Variants in SLX4 observed in about 807,000 individuals in gnomAD.
SLX4 encodes structure-specific endonuclease subunit SLX4.
SLX4 carries 112 observed loss-of-function variants against 146.2 expected under a neutral mutation model. The observed-to-expected ratio is 0.77, with a 90% CI of 0.66 to 0.90. The LOEUF (loss-of-function observed/expected upper bound fraction) is 0.90. Ranked by LOEUF, SLX4 falls within the 40% of genes least tolerant of loss-of-function variation. The pLI, the probability that SLX4 is intolerant of heterozygous loss-of-function variation, is 0.00. For missense variants in SLX4, 2,563 were observed against 2,392.7 expected, an observed-to-expected ratio of 1.07 and a Z score of -1.49; for synonymous variants, 1,061 against 997.7, an observed-to-expected ratio of 1.06 and a Z score of -1.20.
At position 3,597,955 on chromosome 16, in the gene SLX4, C is replaced by G. The variant is rs754419815; in HGVS notation, c.1208G>C (p.Ser403Thr). 2.0e-5 allele frequency: 33 copies of G among 1,614,038 alleles called. No homozygotes were observed. In the South Asian group the frequency reaches 2.5e-4, roughly 12 times the overall value. The change falls in exon 6 of 15, where the codon AGC (serine) becomes ACC (threonine). Residue 403 changes from serine (S) to threonine (T), a missense_variant. Transcript: ENST00000294008. This position sits in a 1 kb window ranked among gnomAD's most constrained non-coding sequence, Gnocchi z 4.4. ...CCGCCTCTTCCGTGGCTCCTTCTTG[C>G]TGGTGGGTCCTCTCCGTTTCAGACC... ...SRGLKRRGPT[S>T]KKEPRKRRKV...
Position 3,581,482 on chromosome 16 carries a change from G to C in SLX4, c.*860C>G, listed in dbSNP as rs1479614792. On this transcript the variant is annotated 3_prime_UTR_variant, in exon 15 of 15. Coordinates refer to ENST00000294008, the MANE Select transcript of SLX4 (RefSeq NM_032444.4). Reference sequence around the variant, plus strand: ...GTAGCACGGCTGGGTCAGGAGAACTGCATCTGGGCTGTGGCAGTGCAGGGA... The same window carrying C: ...GTAGCACGGCTGGGTCAGGAGAACTCCATCTGGGCTGTGGCAGTGCAGGGA... 1 of 153,298 alleles carries C rather than the reference G, an allele frequency of 6.5e-6. No homozygotes were observed. The highest frequency in any genetic ancestry group is 1.5e-5 in the Non-Finnish European group (1 of 68,544). 9.5% of individuals were successfully genotyped at this position (153,298 alleles called of 1,614,324 possible).
At chr16:3,586,463 A>G (rs922035875) in intron 12 of SLX4, among the ~76,000 whole-genome samples, 2 of 151,564 alleles carry the variant, frequency 1.3e-5, no homozygotes, top group African/African-American at 2.4e-5. Flanking sequence ...CGAGGCTACA[A>G]TGAGCTGTAA....
chr16:3,585,054 C>T (rs2040492315), intron 12 of SLX4, among the ~76,000 whole-genome samples, 183 bp from the exon 13 acceptor site: 2 of 152,124 alleles, frequency 1.3e-5, no homozygotes, highest in Admixed American at 1.3e-4. Flanking sequence ...ATGATAGCAT[C>T]GGTGACACGC....
Position 3,601,076 on chromosome 16 carries a change from A to C in SLX4, c.1066T>G (p.Cys356Gly). ...LKSRTSHLKQ[C>G]AVKMEVGPQL... ...GGGCCAACCTCCATCTTCACAGCAC[A>C]CTGCTTCAAGTGACTGGTTCTGCTC... The change falls in exon 5 of 15, where the codon TGT becomes GGT. Residue 356 changes from cysteine to glycine, a missense_variant. Coordinates refer to ENST00000294008, the MANE Select transcript of SLX4 (RefSeq NM_032444.4). 2 of 1,614,104 alleles carry C rather than the reference A, an allele frequency of 1.2e-6. No individual in the cohort carries two copies. Among genetic ancestry groups the C allele is most frequent in the Non-Finnish European group, 1.7e-6 (2 of 1,180,034 alleles).
At chr16:3,603,584 G>A (rs1433343599) in intron 3 of SLX4, among the ~76,000 whole-genome samples, 1 of 152,212 alleles carries the variant, frequency 6.6e-6, no homozygotes, top group African/African-American at 2.4e-5. Context: ...AGTGAAATCT[G>A]CAATGCAATG....
At position 3,597,781 on chromosome 16, in the gene SLX4, T is replaced by C; in HGVS notation, c.1366+16A>G. 6.2e-7 allele frequency: 1 copy of C among 1,614,170 alleles called. No homozygotes were observed. Among genetic ancestry groups the C allele is most frequent in the African/African-American group, 1.3e-5 (1 of 75,048 alleles). ...CTGATGGCCTCTCCCAGGGTCACTCTTCTGATCACACAAACCTGCTTCTGG... is the reference window on the plus strand; with the variant it reads ...CTGATGGCCTCTCCCAGGGTCACTCCTCTGATCACACAAACCTGCTTCTGG... On this transcript the variant is annotated intron_variant, in intron 6 of 14. Coordinates refer to ENST00000294008, the MANE Select transcript of SLX4 (RefSeq NM_032444.4). The surrounding 1 kb of genome is among the most constrained non-coding windows in gnomAD (Gnocchi z 4.4).
chr16:3,602,719 G>C (rs1170228169), intron 3 of SLX4, among the ~76,000 whole-genome samples: 1 of 152,132 alleles, frequency 6.6e-6, no homozygotes. Context: ...AGTTCACAAG[G>C]CTCATATTCC....
At chr16:3,610,664 T>C (rs2040850203) in intron 1 of SLX4, among the ~76,000 whole-genome samples, 2 of 152,212 alleles carry the variant, frequency 1.3e-5, no homozygotes, top group Admixed American at 1.3e-4. Context: ...CTCTTGTGTT[T>C]TTATTCATCG....
rs1180412556 is a variant in SLX4, at chr16:3,596,360, G to A, written c.1717C>T (p.Pro573Ser). 3.1e-6 allele frequency: 5 copies of A among 1,596,614 alleles called. No homozygotes were observed. Among genetic ancestry groups the A allele is most frequent in the Non-Finnish European group, 4.3e-6 (5 of 1,171,042 alleles). Residue 573 changes from proline to serine, a missense_variant, in exon 8 of 15, where the codon CCA becomes TCA. Coordinates refer to ENST00000294008, the MANE Select transcript of SLX4 (RefSeq NM_032444.4). ...TCGCTCAGCTCTGAGTGCTCAGGTG[G>A]CACCAGAGGCGGCACGGGCTCCTGC... The part of the protein sequence containing the change: ...LMQEPVPPLV[P>S]PEHSELSERR...
intron 10 of SLX4, among the ~76,000 whole-genome samples, chr16:3,594,193 C>G (rs1037254600): frequency 6.6e-6 from 1 of 152,134 alleles, no homozygotes; most frequent in South Asian, 2.1e-4. Context: ...TTCAACAGAA[C>G]GAAAACACTG....
At position 3,596,258 on chromosome 16, in the gene SLX4, T is replaced by C; in HGVS notation, c.1819A>G (p.Arg607Gly). The change falls in exon 8 of 15, where the codon AGG (arginine) becomes GGG (glycine). Residue 607 changes from arginine to glycine, a missense_variant. Transcript: ENST00000294008. ...SRGPSPSASQ[R>G]EHQALQDLVD... ...AGGTCCTGCAGGGCCTGGTGCTCCC[T>C]CTGGCTGGCCGAAGGCGACGGGCCC... The C allele has an allele frequency of 6.4e-7, 1 of 1,560,294 alleles. No homozygotes were observed. Among genetic ancestry groups the C allele is most frequent in the Non-Finnish European group, 8.7e-7 (1 of 1,153,870 alleles).
intron 13 of SLX4, among the ~76,000 whole-genome samples, chr16:3,584,454 G>A (rs530150557): frequency 6.6e-6 from 1 of 152,160 alleles, no homozygotes; most frequent in Non-Finnish European, 1.5e-5. Flanking sequence ...CACTCAGACT[G>A]CTCTGGCTAG....
intron 12 of SLX4, among the ~76,000 whole-genome samples, chr16:3,586,623 C>G (rs533467718): frequency 6.6e-6 from 1 of 152,066 alleles, no homozygotes; most frequent in African/African-American, 2.4e-5. Context: ...CCAGCTTGGC[C>G]AACATGGTGA....
chr16:3,587,459 G>A (rs2040520932), intron 12 of SLX4, among the ~76,000 whole-genome samples: 1 of 152,194 alleles, frequency 6.6e-6, no homozygotes, highest in Non-Finnish European at 1.5e-5. Flanking sequence ...TAGCCCCACT[G>A]CACTCCAGCC....
intron 5 of SLX4, among the ~76,000 whole-genome samples, chr16:3,599,507 ATTTTAAC>A (rs1163559789): frequency 3.3e-5 from 5 of 152,368 alleles, no homozygotes; most frequent in Non-Finnish European, 7.3e-5. Flanking sequence ...AAGGCAACTC[ATTTTAAC>A]TTTTAAGCAT....
chr16:3,605,135 G>C (rs1481610732), intron 3 of SLX4, among the ~76,000 whole-genome samples: 2 of 151,190 alleles, frequency 1.3e-5, no homozygotes, highest in African/African-American at 2.4e-5. Context: ...TGTTGCCCAG[G>C]CTGGAGTGCA....
rs771698977 is a variant in SLX4, at chr16:3,608,717, C to T, written c.248G>A (p.Gly83Asp). Reference protein sequence around the residue: ...ERKTQKAASNGTQIRSKLKRT... With the variant: ...ERKTQKAASNDTQIRSKLKRT... The stretch of plus-strand genomic sequence containing the variant: ...TTTCAATTTGCTTCTTATCTGAGTG[C>T]CGTTTGAGGCAGCCTTTTGTGTCTT... The change falls in exon 2 of 15, where the codon GGC becomes GAC. Residue 83 changes from glycine (G) to aspartate (D), a missense_variant. By Grantham distance (94) the Gly-to-Asp change is moderately conservative (BLOSUM62 -1). Transcript: ENST00000294008. The T allele has an allele frequency of 1.2e-6, 2 of 1,614,046 alleles. No individual in the cohort carries two copies. The highest frequency in any genetic ancestry group is 3.3e-5 in the Admixed American group (2 of 59,994).
intron 1 of SLX4, among the ~76,000 whole-genome samples, chr16:3,610,908 T>G (rs1052281960): frequency 1.3e-5 from 2 of 152,240 alleles, no homozygotes; most frequent in African/African-American, 4.8e-5. Flanking sequence ...AAGGTCAGGC[T>G]AGGCAAAGTG....
Position 3,594,591 on chromosome 16 carries a change from G to C in SLX4, c.2022C>G (p.Leu674=), listed in dbSNP as rs139900828. The C allele has an allele frequency of 2.5e-6, 4 of 1,614,074 alleles. No homozygotes were observed. Among genetic ancestry groups the C allele is most frequent in the African/African-American group, 2.7e-5 (2 of 75,048 alleles). ...PDRGGRTLLS[L]GLLVADFGAM... ...CGCCAAAGTCAGCAACCAGCAGCCC[G>C]AGGGAGAGCTGAAGCAGGAGGAGAG... Residue 674 remains leucine, a synonymous_variant, in exon 10 of 15, where the codon CTC becomes CTG. Transcript: ENST00000294008.
Sources: allele counts gnomAD v4.1 joint callset (sites outside exome capture counted in the v4.1 genomes callset), GRCh38; gene constraint gnomAD v4.1.1; non-coding constraint Gnocchi (gnomAD v3.1); transcripts MANE v1.5; gene names NCBI Gene and HGNC (gene_info 2026-07-23, HGNC 2026-07-21).